The following MLLT3 variants were observed in gnomAD, a reference collection of about 807,000 sequenced individuals.
The protein encoded by MLLT3 is protein AF-9.
Under a neutral mutation model 53.2 loss-of-function variants are expected in MLLT3, and 4 were observed. The ratio of observed to expected loss-of-function variants is 0.08; its 90% CI spans 0.04 to 0.17. The LOEUF (loss-of-function observed/expected upper bound fraction) is 0.17, where lower values mean the gene tolerates loss of function less well. Among genes scored for constraint, MLLT3 ranks in the 10% least tolerant of loss-of-function variants. The pLI is 1.00. For missense variants in MLLT3, 569 were observed against 684.0 expected (o/e 0.83, Z 1.87); for synonymous variants, 283 against 230.6 (o/e 1.23, Z -2.06).
intron 5 of MLLT3, among the ~76,000 whole-genome samples, chr9:20,400,580 A>G (rs1586920548): frequency 6.6e-6 from 1 of 152,134 alleles, no homozygotes; most frequent in Admixed American, 6.6e-5. Flanking sequence ...GGATCTTATT[A>G]AAAATCATAC....
chr9:20,470,707 C>G (rs539128746), intron 2 of MLLT3, among the ~76,000 whole-genome samples: 51 of 152,056 alleles, frequency 3.4e-4, no homozygotes, highest in African/African-American at 1.1e-3. Flanking sequence ...TATTGTTTAG[C>G]TTCTACCCTA....
chr9:20,386,526 C>T (rs899884700), intron 5 of MLLT3, among the ~76,000 whole-genome samples: 27 of 152,288 alleles, frequency 1.8e-4, no homozygotes, highest in African/African-American at 6.0e-4. Context: ...GAGGCCCAGT[C>T]GCTGGAGTAA....
At chr9:20,411,623 C>T (rs1822730445) in intron 5 of MLLT3, among the ~76,000 whole-genome samples, 3 of 152,072 alleles carry the variant, frequency 2.0e-5, no homozygotes, top group African/African-American at 7.2e-5. Flanking sequence ...ATGTCATATA[C>T]CATTTTGAAA....
chr9:20,384,941 TG>T (rs1821997090), intron 5 of MLLT3, among the ~76,000 whole-genome samples: 1 of 152,154 alleles, frequency 6.6e-6, no homozygotes, highest in Admixed American at 6.6e-5. Context: ...TGTTATGTGG[TG>T]GTCTAGATTA....
intron 2 of MLLT3, among the ~76,000 whole-genome samples, chr9:20,566,876 C>A (rs78576820): frequency 3.3e-5 from 5 of 151,936 alleles, no homozygotes; most frequent in Admixed American, 2.0e-4. Flanking sequence ...CACAAGGATA[C>A]GGAGGAATAG....
chr9:20,398,734 G>C (rs1265391639), intron 5 of MLLT3, among the ~76,000 whole-genome samples: 2 of 152,078 alleles, frequency 1.3e-5, no homozygotes, highest in East Asian at 3.9e-4. Context: ...TCCTGTTATT[G>C]AAATTTCTCT....
intron 5 of MLLT3, among the ~76,000 whole-genome samples, chr9:20,412,685 T>C (rs1401690535): frequency 6.6e-6 from 1 of 152,192 alleles, no homozygotes; most frequent in Non-Finnish European, 1.5e-5. Context: ...ATAGCTTCCT[T>C]GACCATTGCC....
intron 2 of MLLT3, among the ~76,000 whole-genome samples, chr9:20,536,173 A>AAAAAC (rs141799842): frequency 0.38 from 57,531 of 150,550 alleles, 11,331 homozygotes; most frequent in East Asian, 0.51. Context: ...CAGCATCTTT[A>AAAAAC]AAAACAAAAC....
intron 2 of MLLT3, among the ~76,000 whole-genome samples, chr9:20,510,625 A>T (rs112619071): frequency 2.6e-5 from 4 of 151,884 alleles, no homozygotes; most frequent in Non-Finnish European, 5.9e-5. Context: ...AAAAAAAAAA[A>T]AAAAAAAAGA....
rs184137953 is a variant in MLLT3 at position 20,585,733 on chromosome 9, T to C, written c.193+34921A>G. 2.0e-5 allele frequency among the ~76,000 whole-genome samples: 3 copies of C among 152,364 alleles called. No individual in the cohort carries two copies. In the East Asian group the frequency reaches 5.8e-4, roughly 29 times the overall value. On this transcript the variant is annotated intron_variant, in intron 2 of 10. Transcript: ENST00000380338. ...TGGCAAGGTGTCGCAAAATACTCTT[T>C]TCACTGTTCTATTTCCCAGTGTGGT... is the stretch of plus-strand genomic sequence containing the variant.
intron 2 of MLLT3, among the ~76,000 whole-genome samples, chr9:20,618,660 G>C (rs955847146): frequency 2.0e-5 from 3 of 152,188 alleles, no homozygotes; most frequent in Admixed American, 6.5e-5. Flanking sequence ...CCTCTGAGAA[G>C]TCATCACTGC....
chr9:20,377,216 G>T (rs1190122456), intron 5 of MLLT3, among the ~76,000 whole-genome samples: 1 of 152,182 alleles, frequency 6.6e-6, no homozygotes, highest in Non-Finnish European at 1.5e-5. Flanking sequence ...ACCACTACTT[G>T]TCAGTTTACA....
intron 2 of MLLT3, among the ~76,000 whole-genome samples, chr9:20,502,677 A>C (rs1180534337): frequency 1.3e-5 from 2 of 151,814 alleles, no homozygotes; most frequent in Admixed American, 1.3e-4. Flanking sequence ...TGCATAGGTT[A>C]TATGCAAATA....
intron 2 of MLLT3, among the ~76,000 whole-genome samples, chr9:20,519,336 G>T (rs1817998065): frequency 6.6e-6 from 1 of 151,982 alleles, no homozygotes; most frequent in Non-Finnish European, 1.5e-5. Context: ...GAGTATACAG[G>T]GACACTCTAT....
At chr9:20,606,461 T>A (rs930228979) in intron 2 of MLLT3, among the ~76,000 whole-genome samples, 1 of 152,078 alleles carries the variant, frequency 6.6e-6, no homozygotes, top group Non-Finnish European at 1.5e-5. Context: ...AACAAAGTAA[T>A]AAGTGCTCAA....
chr9:20,376,630 G>A (rs1382506851), intron 5 of MLLT3, among the ~76,000 whole-genome samples: 1 of 152,064 alleles, frequency 6.6e-6, no homozygotes, highest in Non-Finnish European at 1.5e-5. Context: ...AATGGCCTCG[G>A]GGAGCAGGGG....
intron 2 of MLLT3, among the ~76,000 whole-genome samples, chr9:20,568,430 G>C (rs1345657061): frequency 1.3e-5 from 2 of 152,140 alleles, no homozygotes; most frequent in Middle Eastern, 3.2e-3. Flanking sequence ...ATTTTATTCA[G>C]TATGCTTTTT....
chr9:20,589,283 A>G (rs1462315267), intron 2 of MLLT3, among the ~76,000 whole-genome samples: 2 of 151,834 alleles, frequency 1.3e-5, no homozygotes, highest in Admixed American at 6.6e-5. Context: ...TGTCCTTTGT[A>G]GGGACATGGA....
At chr9:20,438,238 A>G (rs1823454285) in intron 4 of MLLT3, among the ~76,000 whole-genome samples, 1 of 152,246 alleles carries the variant, frequency 6.6e-6, no homozygotes, top group Non-Finnish European at 1.5e-5. Flanking sequence ...TTTAACATCA[A>G]AATCACCTTT....
Sources: gnomAD v4.1 joint callset for allele counts (sites outside exome capture counted in the v4.1 genomes callset) on GRCh38, gnomAD v4.1.1 for gene constraint, MANE v1.5 for transcripts, NCBI Gene and HGNC (gene_info 2026-07-23, HGNC 2026-07-21) for gene names.